ITPR2: variants seen among roughly 807,000 people sequenced by gnomAD.
ITPR2 encodes the protein inositol 1,4,5-trisphosphate receptor type 2, also known as inositol 1,4,5-trisphosphate-gated calcium channel ITPR2.
A neutral mutation model predicts 317.1 loss-of-function variants in ITPR2; 207 were observed. The observed-to-expected ratio is 0.65, with a 90% CI of 0.58 to 0.73. The LOEUF (loss-of-function observed/expected upper bound fraction) is 0.73. ITPR2 is among the 30% of genes least tolerant of loss of function. ITPR2 has a pLI of 0.00. For synonymous variants in ITPR2, 1,156 were observed against 1,149.1 expected (o/e 1.01, Z -0.12); for missense variants, 2,613 against 3,284.0 (o/e 0.80, Z 4.99).
Position 26,495,139 on chromosome 12 carries a change from T to C in ITPR2, c.5182+13A>G, listed in dbSNP as rs1484672986. The C allele has an allele frequency of 3.7e-6, 5 of 1,357,980 alleles. No homozygotes were observed. The East Asian group carries it at 6.9e-5, about 19-fold the overall frequency. 84.1% of individuals were successfully genotyped at this position (1,357,980 alleles called of 1,614,324 possible). A position where few individuals can be genotyped will look rare whatever the true frequency, so the allele number is the denominator to read the frequency against. ...GAGAATCCTAAAATGAGAAAACAAA[T>C]GACAGGACTTACCTCCCACCTGTGC... On this transcript the variant is annotated intron_variant, in intron 38 of 56. Transcript: ENST00000381340.
intron 35 of ITPR2, among the ~76,000 whole-genome samples, chr12:26,560,641 CT>C (rs985230720): frequency 7.9e-5 from 12 of 152,276 alleles, no homozygotes; most frequent in East Asian, 3.9e-4. Context: ...TGGCTTAGAC[CT>C]TAAGTAACTT....
chr12:26,541,959 G>A (rs543685532), intron 37 of ITPR2, among the ~76,000 whole-genome samples: 38 of 151,300 alleles, frequency 2.5e-4, no homozygotes, highest in Admixed American at 9.9e-4. Context: ...ATATCACTCC[G>A]GATATCAACT....
In ITPR2 at chr12:26,494,471, A is replaced by G. The variant is rs1335569055; in HGVS notation, c.5183-131T>C. The stretch of plus-strand genomic sequence containing the variant: ...TGAGATTTTTTCCCTACAAAGTTAA[A>G]TATAATAGAAGCTTGAGGCTGGGCA... On this transcript the variant is annotated intron_variant, in intron 38 of 56. Transcript: ENST00000381340. 2.0e-5 allele frequency: 12 copies of G among 606,630 alleles called. No individual in the cohort carries two copies. In the South Asian group the frequency reaches 3.2e-4, roughly 16 times the overall value. The allele number at this position is 606,630 out of a possible 1,614,324, so 37.6% of individuals were successfully genotyped here. A position where few individuals can be genotyped will look rare whatever the true frequency, so the allele number is the denominator to read the frequency against.
chr12:26,365,440 A>G (rs1293258593), intron 55 of ITPR2, among the ~76,000 whole-genome samples: 1 of 152,124 alleles, frequency 6.6e-6, no homozygotes, highest in Non-Finnish European at 1.5e-5. Context: ...CCCCAGACTC[A>G]TGACACAGGA....
chr12:26,717,828 C>T (rs543440290), intron 5 of ITPR2, among the ~76,000 whole-genome samples: 1 of 152,140 alleles, frequency 6.6e-6, no homozygotes, highest in Non-Finnish European at 1.5e-5. Context: ...GAATTGGTAT[C>T]CCTTTTAAAA....
chr12:26,620,400 C>A lies in ITPR2; in HGVS notation c.3462+723G>T, dbSNP rs61693444. On this transcript the variant is annotated intron_variant, in intron 26 of 56. Transcript: ENST00000381340. ...AATAACAAAAGCTAAGGCAGGTAAA[C>A]CCATCAAAACGGCTTATATGCCTGC... is the stretch of plus-strand genomic sequence containing the variant. Among the ~76,000 whole-genome samples the A allele has an allele frequency of 5.1e-3, 775 of 152,272 alleles. 4 individuals are homozygous for A. The highest frequency in any genetic ancestry group is 0.018 in the African/African-American group (728 of 41,546).
At chr12:26,367,779 T>C (rs187969330) in intron 55 of ITPR2, among the ~76,000 whole-genome samples, 1 of 152,350 alleles carries the variant, frequency 6.6e-6, no homozygotes, top group Admixed American at 6.5e-5. Flanking sequence ...ATTGTATTCA[T>C]GTGTATTAGC....
chr12:26,453,438 A>T (rs958624010), intron 45 of ITPR2, among the ~76,000 whole-genome samples: 2 of 152,212 alleles, frequency 1.3e-5, no homozygotes, highest in African/African-American at 2.4e-5. Flanking sequence ...AAGCAAGAAA[A>T]GAAACTAATT....
intron 47 of ITPR2, among the ~76,000 whole-genome samples, chr12:26,437,270 A>G (rs1941376905): frequency 6.6e-6 from 1 of 152,230 alleles, no homozygotes; most frequent in Non-Finnish European, 1.5e-5. Context: ...CAAGGGGGAA[A>G]GGCACATCGA....
In ITPR2 at chr12:26,609,225, A is replaced by G. The variant is rs146013693; in HGVS notation, c.3463-6519T>C. ...TGTATTCTCTGATTTGAATGAATCA[A>G]TCACTATTATTTCCTCGTTAGCCAC... On this transcript the variant is annotated intron_variant, in intron 26 of 56. Transcript: ENST00000381340. Among the ~76,000 whole-genome samples the G allele has an allele frequency of 2.0e-4, 30 of 152,384 alleles. 1 individual carries two copies. The highest frequency in any genetic ancestry group is 3.4e-3 in the Middle Eastern group (1 of 294).
chr12:26,704,444 T>C (rs925505100), intron 9 of ITPR2, among the ~76,000 whole-genome samples: 2 of 151,962 alleles, frequency 1.3e-5, no homozygotes, highest in Non-Finnish European at 2.9e-5. Flanking sequence ...CAACAGATCA[T>C]GAGATATTAT....
At chr12:26,340,002 C>T (rs931181016) in intron 56 of ITPR2, among the ~76,000 whole-genome samples, 165 bp downstream of exon 56, 2 of 151,970 alleles carry the variant, frequency 1.3e-5, no homozygotes, top group African/African-American at 2.4e-5. Flanking sequence ...AAGTAGAAGT[C>T]CCCGTTTGCT....
chr12:26,715,824 G>C lies in ITPR2; in HGVS notation c.636C>G (p.Val212=). ...DNPGCKEVNA[V]NCNTSWKITL... ...TGATTTTCCAGCTGGTGTTGCAATT[G>C]ACAGCATTCACCTATTAATGAAGAA... The change falls in exon 7 of 57, where the codon GTC becomes GTG. Residue 212 remains valine (V), a synonymous_variant. Coordinates refer to ENST00000381340, the MANE Select transcript of ITPR2 (RefSeq NM_002223.4). 1 of 1,605,454 alleles carries C rather than the reference G, an allele frequency of 6.2e-7. No individual in the cohort carries two copies. Among genetic ancestry groups the C allele is most frequent in the South Asian group, 1.1e-5 (1 of 90,840 alleles).
chr12:26,824,210 T>C (rs1950980220), intron 1 of ITPR2, among the ~76,000 whole-genome samples: 1 of 152,228 alleles, frequency 6.6e-6, no homozygotes. Context: ...TCTCATGTAA[T>C]TTATTGAATA....
At chr12:26,781,199 C>T (rs893187870) in intron 2 of ITPR2, among the ~76,000 whole-genome samples, 2 of 152,124 alleles carry the variant, frequency 1.3e-5, no homozygotes, top group Non-Finnish European at 2.9e-5. Context: ...GAAAACATCA[C>T]GACATGCTGA....
At position 26,657,741 on chromosome 12, in the gene ITPR2, T is replaced by A. The variant is rs758653657; in HGVS notation, c.2158A>T (p.Thr720Ser). 6.2e-7 allele frequency: 1 copy of A among 1,614,154 alleles called. No individual in the cohort carries two copies. Among genetic ancestry groups the A allele is most frequent in the Non-Finnish European group, 8.5e-7 (1 of 1,180,008 alleles). The change falls in exon 18 of 57, where the codon ACC becomes TCC. Residue 720 changes from threonine to serine, a missense_variant. Thr to Ser is a moderately conservative substitution (Grantham distance 58). Transcript: ENST00000381340. The part of the protein sequence containing the change: ...RHLAQEAKEG[T>S]KADLEVLTYY... The stretch of plus-strand genomic sequence containing the variant: ...GTAAGAACTTCTAAGTCAGCTTTGG[T>A]GCCTTCTTTTGCCTCTTGAGCAAGG...
intron 1 of ITPR2, among the ~76,000 whole-genome samples, chr12:26,826,491 T>C (rs1416242662): frequency 6.6e-6 from 1 of 152,078 alleles, no homozygotes; most frequent in Non-Finnish European, 1.5e-5. Flanking sequence ...CATCCATCCC[T>C]GAACATGGAA....
At chr12:26,417,726 G>A (rs1440285956) in intron 50 of ITPR2, among the ~76,000 whole-genome samples, 5 of 152,130 alleles carry the variant, frequency 3.3e-5, no homozygotes, top group African/African-American at 1.2e-4. Flanking sequence ...AGCAGTGTGA[G>A]AACGGACTAA....
chr12:26,714,375 T>G (rs1038050229), intron 8 of ITPR2, among the ~76,000 whole-genome samples: 2 of 152,210 alleles, frequency 1.3e-5, no homozygotes, highest in Non-Finnish European at 2.9e-5. Context: ...TCCACTTCTT[T>G]AACCACTTCT....
Sources: allele counts gnomAD v4.1 joint callset (sites outside exome capture counted in the v4.1 genomes callset), GRCh38; gene constraint gnomAD v4.1.1; transcripts MANE v1.5; gene names NCBI Gene and HGNC (gene_info 2026-07-23, HGNC 2026-07-21).